Variants in GPR26 observed in about 807,000 individuals in gnomAD.
GPR26 encodes the protein G protein-coupled receptor 26.
In GPR26, 15 loss-of-function variants were observed where a neutral mutation model predicts 23.1. The observed-to-expected ratio is 0.65, with a 90% CI of 0.43 to 1.00. The LOEUF (loss-of-function observed/expected upper bound fraction) is 1.00. Among genes scored for constraint, GPR26 ranks in the 50% least tolerant of loss-of-function variants. GPR26 has a pLI of 0.00. For missense variants in GPR26, 359 were observed against 470.5 expected, an observed-to-expected ratio of 0.76 and a Z score of 2.19; for synonymous variants, 228 against 222.1, an observed-to-expected ratio of 1.03 and a Z score of -0.24.
At chr10:123,685,540 C>A (rs1324750511) in intron 2 of GPR26, among the ~76,000 whole-genome samples, 1 of 152,198 alleles carries the variant, frequency 6.6e-6, no homozygotes, top group Non-Finnish European at 1.5e-5. Flanking sequence ...AGTGTCCAGG[C>A]CTGTATTCAG....
rs1427472825 is a variant in GPR26, at chr10:123,667,017, A to G, written c.610A>G (p.Lys204Glu). The G allele has an allele frequency of 6.2e-7, 1 of 1,610,510 alleles. No individual in the cohort carries two copies. Among genetic ancestry groups the G allele is most frequent in the African/African-American group, 1.3e-5 (1 of 74,828 alleles). Residue 204 changes from lysine to glutamate, a missense_variant, in exon 1 of 3, where the codon AAG becomes GAG. By Grantham distance (56) the Lys-to-Glu change is moderately conservative. Coordinates refer to ENST00000284674, the MANE Select transcript of GPR26 (RefSeq NM_153442.4). ...KVLKVARFHC[K>E]RIDVITMQTL... ...GCTCAAGGTGGCCCGCTTCCATTGCAAGCGCATCGACGTGATCACCATGCA... is the reference window on the plus strand; with the variant it reads ...GCTCAAGGTGGCCCGCTTCCATTGCGAGCGCATCGACGTGATCACCATGCA...
intron 1 of GPR26, among the ~76,000 whole-genome samples, chr10:123,671,544 G>A (rs1349579421): frequency 2.6e-5 from 4 of 151,662 alleles, no homozygotes; most frequent in Non-Finnish European, 5.9e-5. Context: ...AGCCACACCT[G>A]CACACATGCT....
At chr10:123,679,753 C>A (rs1845348179) in intron 2 of GPR26, among the ~76,000 whole-genome samples, 1 of 152,130 alleles carries the variant, frequency 6.6e-6, no homozygotes, top group Non-Finnish European at 1.5e-5. Flanking sequence ...CAGGTCTCCC[C>A]TTCTCTCTTG....
chr10:123,671,621 C>G (rs571087967), intron 1 of GPR26, among the ~76,000 whole-genome samples: 1 of 152,294 alleles, frequency 6.6e-6, no homozygotes, highest in South Asian at 2.1e-4. Context: ...ACGCTCTGCA[C>G]CATAGATTCT....
intron 1 of GPR26, among the ~76,000 whole-genome samples, 190 bp downstream of exon 1, chr10:123,667,265 A>C (rs35783152): frequency 0.18 from 27,280 of 152,142 alleles, 2,601 homozygotes; most frequent in Middle Eastern, 0.28. Flanking sequence ...GCCACAAAAA[A>C]TGCGGGTGAG....
chr10:123,680,829 G>C (rs55921586), intron 2 of GPR26, among the ~76,000 whole-genome samples: 1 of 109,446 alleles, frequency 9.1e-6, no homozygotes, highest in Non-Finnish European at 1.7e-5. Context: ...TGTTTTTTTG[G>C]GGGGGGGGGT....
intron 2 of GPR26, among the ~76,000 whole-genome samples, chr10:123,678,192 C>T (rs924270523): frequency 6.6e-6 from 1 of 152,124 alleles, no homozygotes; most frequent in East Asian, 1.9e-4. Flanking sequence ...TATTCACTAG[C>T]GGAACATTTC....
rs185435220 is a variant in GPR26 at position 123,674,852 on chromosome 10, A to C, written c.703A>C (p.Arg235=). The C allele has an allele frequency of 1.2e-6, 2 of 1,613,440 alleles. No homozygotes were observed. Among genetic ancestry groups the C allele is most frequent in the Middle Eastern group, 1.7e-4 (1 of 5,848 alleles). Residue 235 remains arginine, a synonymous_variant, in exon 2 of 3, where the codon AGG becomes CGG. Coordinates refer to ENST00000284674, the MANE Select transcript of GPR26 (RefSeq NM_153442.4). This position sits in a 1 kb window ranked among gnomAD's most constrained non-coding sequence, Gnocchi z 4.1. ...ACGCTGTCTGGAGGAGCAGAAGCGG[A>C]GGCGACAGCGAGCCACCAAGAAGAT... ...RERCLEEQKR[R]RQRATKKIST... is the part of the protein sequence containing the mutation.
chr10:123,676,932 G>C (rs1845317182), intron 2 of GPR26, among the ~76,000 whole-genome samples: 1 of 152,154 alleles, frequency 6.6e-6, no homozygotes. Flanking sequence ...CTTCCCTCTG[G>C]CACTTACAGC....
intron 2 of GPR26, among the ~76,000 whole-genome samples, chr10:123,678,481 T>G (rs747457253): frequency 5.3e-5 from 8 of 152,308 alleles, no homozygotes; most frequent in Admixed American, 1.3e-4. Flanking sequence ...TCTTCCTCCT[T>G]GGGGTCAGGA....
In GPR26 at chr10:123,696,813, A is replaced by G. The variant is rs1389002671; in HGVS notation, c.*8653A>G. On this transcript the variant is annotated 3_prime_UTR_variant, in exon 3 of 3. Transcript: ENST00000284674. Reference sequence around the variant, plus strand: ...TGAATGTTTGTGTGCCCATGATTTTATGCATATAGGTGAATATTTGTGTGC... The same window carrying G: ...TGAATGTTTGTGTGCCCATGATTTTGTGCATATAGGTGAATATTTGTGTGC... Among the ~76,000 whole-genome samples, 1 of 152,116 alleles carries G rather than the reference A, an allele frequency of 6.6e-6. No homozygotes were observed. The highest frequency in any genetic ancestry group is 2.4e-5 in the African/African-American group (1 of 41,412).
chr10:123,670,413 G>C (rs1287748168), intron 1 of GPR26, among the ~76,000 whole-genome samples: 1 of 152,228 alleles, frequency 6.6e-6, no homozygotes, highest in Non-Finnish European at 1.5e-5. Context: ...ATTTATGGAT[G>C]GAGCAAATAG....
rs1264848063 is a variant in GPR26 at position 123,697,300 on chromosome 10, A to G, written c.*9140A>G. Reference sequence around the variant, plus strand: ...ACAATGGTTTGTGTTTTGTGGATACATATCAAATGCTGTAATATATTTTTA... The same window carrying G: ...ACAATGGTTTGTGTTTTGTGGATACGTATCAAATGCTGTAATATATTTTTA... On this transcript the variant is annotated 3_prime_UTR_variant, in exon 3 of 3. Coordinates refer to ENST00000284674, the MANE Select transcript of GPR26 (RefSeq NM_153442.4). Among the ~76,000 whole-genome samples the G allele has an allele frequency of 6.6e-6, 1 of 152,222 alleles. No homozygotes were observed. Among genetic ancestry groups the G allele is most frequent in the African/African-American group, 2.4e-5 (1 of 41,450 alleles).
In GPR26 at chr10:123,674,960, G is replaced by A. The variant is rs1040005921; in HGVS notation, c.782+29G>A. The A allele has an allele frequency of 2.1e-6, 3 of 1,406,030 alleles. No individual in the cohort carries two copies. Among genetic ancestry groups the A allele is most frequent in the African/African-American group, 2.8e-5 (2 of 70,988 alleles). The allele number at this position is 1,406,030 out of a possible 1,614,324, so 87.1% of individuals were successfully genotyped here. A position where few individuals can be genotyped will look rare whatever the true frequency, so the allele number is the denominator to read the frequency against. ...AGCCTGATTGGCAGGTGTGTCTTGGGACTTTGAAGAGTAAGGCAGGGCCCA... is the reference window on the plus strand; with the variant it reads ...AGCCTGATTGGCAGGTGTGTCTTGGAACTTTGAAGAGTAAGGCAGGGCCCA... On this transcript the variant is annotated intron_variant, in intron 2 of 2. Transcript: ENST00000284674. This position sits in a 1 kb window ranked among gnomAD's most constrained non-coding sequence, Gnocchi z 4.1.
Position 123,666,675 on chromosome 10 carries a change from G to A in GPR26, c.268G>A (p.Ala90Thr). ...RLAAFLDTFL[A>T]ANSMLSMAAL... is the part of the protein sequence containing the mutation. ...GGCTGCCTTCCTCGACACCTTCCTGGCTGCCAACTCCATGCTCAGCATGGC... is the reference window on the plus strand; with the variant it reads ...GGCTGCCTTCCTCGACACCTTCCTGACTGCCAACTCCATGCTCAGCATGGC... The change falls in exon 1 of 3, where the codon GCT (alanine) becomes ACT (threonine). Residue 90 changes from alanine to threonine, a missense_variant. Transcript: ENST00000284674. 6.3e-7 allele frequency: 1 copy of A among 1,599,506 alleles called. No individual in the cohort carries two copies.
Position 123,693,243 on chromosome 10 carries a change from C to G in GPR26, c.*5083C>G, listed in dbSNP as rs150932335. The G allele has an allele frequency of 6.6e-6, 1 of 152,208 alleles. No individual in the cohort carries two copies. Among genetic ancestry groups the G allele is most frequent in the Admixed American group, 6.5e-5 (1 of 15,282 alleles). 9.4% of individuals were successfully genotyped at this position (152,208 alleles called of 1,614,324 possible). A position where few individuals can be genotyped will look rare whatever the true frequency, so the allele number is the denominator to read the frequency against. Reference sequence around the variant, plus strand: ...CAGCAACCTCTGTGCCCAGAACATACGGCTCACAAGTCCTTTGTGCCGACA... The same window carrying G: ...CAGCAACCTCTGTGCCCAGAACATAGGGCTCACAAGTCCTTTGTGCCGACA... On this transcript the variant is annotated 3_prime_UTR_variant, in exon 3 of 3. Coordinates refer to ENST00000284674, the MANE Select transcript of GPR26 (RefSeq NM_153442.4).
At position 123,688,861 on chromosome 10, in the gene GPR26, T is replaced by A. The variant is rs1845459702; in HGVS notation, c.*701T>A. 1 of 152,698 alleles carries A rather than the reference T, an allele frequency of 6.5e-6. No homozygotes were observed. Among genetic ancestry groups the A allele is most frequent in the African/African-American group, 2.4e-5 (1 of 41,452 alleles). 9.5% of individuals were successfully genotyped at this position (152,698 alleles called of 1,614,324 possible). ...CGAATGTTTGTGTGTGCAGACAATC[T>A]TAGCATGAAAATGGTTTAAATAGGC... On this transcript the variant is annotated 3_prime_UTR_variant, in exon 3 of 3. Transcript: ENST00000284674.
Position 123,666,827 on chromosome 10 carries a change from C to G in GPR26, c.420C>G (p.Ala140=), listed in dbSNP as rs767034256. 8.1e-6 allele frequency: 13 copies of G among 1,609,194 alleles called. No individual in the cohort carries two copies. The highest frequency in any genetic ancestry group is 9.3e-6 in the Non-Finnish European group (11 of 1,178,250). ...TGCACGCGCTCACCTTCCCAGCCGCCGCGCTCGCCCTGTCCTGGCTCGGCT... is the reference window on the plus strand; with the variant it reads ...TGCACGCGCTCACCTTCCCAGCCGCGGCGCTCGCCCTGTCCTGGCTCGGCT... ...TWLHALTFPA[A]ALALSWLGFH... is the part of the protein sequence containing the mutation. The change falls in exon 1 of 3, where the codon GCC becomes GCG. Residue 140 remains alanine, a synonymous_variant. Transcript: ENST00000284674.
rs1420067817 is a variant in GPR26 at position 123,688,342 on chromosome 10, A to T, written c.*182A>T. ...CTGGTTCCTCAAGGGCAGATATTGG[A>T]CACTCCTTATTTGTCACCAAAGGAT... On this transcript the variant is annotated 3_prime_UTR_variant, in exon 3 of 3. Transcript: ENST00000284674. The T allele has an allele frequency of 3.3e-6, 2 of 604,878 alleles. No homozygotes were observed. Among genetic ancestry groups the T allele is most frequent in the Non-Finnish European group, 5.9e-6 (2 of 340,490 alleles). 37.5% of individuals were successfully genotyped at this position (604,878 alleles called of 1,614,324 possible). A position where few individuals can be genotyped will look rare whatever the true frequency, so the allele number is the denominator to read the frequency against.
Sources: allele counts gnomAD v4.1 joint callset (sites outside exome capture counted in the v4.1 genomes callset), GRCh38; gene constraint gnomAD v4.1.1; non-coding constraint Gnocchi (gnomAD v3.1); transcripts MANE v1.5; gene names NCBI Gene and HGNC (gene_info 2026-07-23, HGNC 2026-07-21).